Variants in LIMK2 observed in about 807,000 individuals in gnomAD.
LIMK2 encodes LIM domain kinase 2.
LIMK2 carries 35 observed loss-of-function variants against 75.7 expected under a neutral mutation model. That is an observed-to-expected ratio of 0.46 (90% confidence interval 0.35 to 0.61). LIMK2 has a LOEUF of 0.61. LIMK2 is among the 20% of genes least tolerant of loss of function. LIMK2 has a pLI of 0.00. For synonymous variants in LIMK2, 301 were observed against 319.2 expected, an observed-to-expected ratio of 0.94 and a Z score of 0.61; for missense variants, 623 against 831.0, an observed-to-expected ratio of 0.75 and a Z score of 3.08.
At chr22:31,273,325 C>G (rs750398724) in intron 13 of LIMK2, 127 bp from the exon 14 acceptor site, 112 of 821,104 alleles carry the variant, frequency 1.4e-4, no homozygotes, top group Non-Finnish European at 2.0e-4. Flanking sequence ...GCAGGACAGC[C>G]TGTGGGGTGT....
rs72617294 is a variant in LIMK2 at position 31,214,214 on chromosome 22, C to A, written c.16+1790C>A. On this transcript the variant is annotated intron_variant, in intron 1 of 15. Transcript: ENST00000331728. ...GTGAAAGGTTTCACAGTACAATAGT[C>A]TAGAGGCATAAAGCCTCTAGATGCA... Among the ~76,000 whole-genome samples the A allele has an allele frequency of 0.035, 5,351 of 152,226 alleles. 514 individuals are homozygous for A. In the East Asian group the frequency reaches 0.39, roughly 11 times the overall value.
intron 9 of LIMK2, 87 bp from the exon 10 acceptor site, chr22:31,267,689 C>T (rs905688829): frequency 1.7e-5 from 24 of 1,453,006 alleles, no homozygotes; most frequent in Non-Finnish European, 2.1e-5. Flanking sequence ...GGTGGTAACA[C>T]TTGTCAAGCT....
Position 31,259,238 on chromosome 22 carries a change from AGTG to A in LIMK2, c.362+11_362+13del, listed in dbSNP as rs1261438676. 1.9e-6 allele frequency: 3 copies of A among 1,556,630 alleles called. No individual in the cohort carries two copies. The highest frequency in any genetic ancestry group is 2.7e-6 in the Non-Finnish European group (3 of 1,128,000). ...GCATGCCACCCTCTACTGGTAAGAT[AGTG>A]GTCCTTTGTCTATCCTCTCCCATAT... On this transcript the variant is annotated intron_variant, in intron 4 of 15. Transcript: ENST00000331728.
At chr22:31,248,605 G>A in intron 2 of LIMK2, 1 of 1,610,148 alleles carries the variant, frequency 6.2e-7, no homozygotes, top group Non-Finnish European at 8.5e-7. Context: ...CAGCCTGCCT[G>A]CAGCCAGAGG....
chr22:31,227,113 G>A (rs1032770585), intron 2 of LIMK2, among the ~76,000 whole-genome samples: 1 of 152,170 alleles, frequency 6.6e-6, no homozygotes, highest in African/African-American at 2.4e-5. Context: ...TCCTCCCATC[G>A]GATTGGAATT....
intron 5 of LIMK2, among the ~76,000 whole-genome samples, chr22:31,260,960 G>A (rs2048832212): frequency 6.6e-6 from 1 of 152,174 alleles, no homozygotes; most frequent in South Asian, 2.1e-4. Context: ...CATTTTAGAA[G>A]GATCACTGGT....
chr22:31,276,828 GGAT>G (rs775435272), intron 15 of LIMK2: 1 of 1,611,696 alleles, frequency 6.2e-7, no homozygotes, highest in Non-Finnish European at 8.5e-7. Context: ...CGGGCTGCGC[GGAT>G]GATGAGGGCC....
chr22:31,250,454 C>T (rs897730626), intron 2 of LIMK2, among the ~76,000 whole-genome samples: 3 of 152,168 alleles, frequency 2.0e-5, no homozygotes, highest in Non-Finnish European at 2.9e-5. Flanking sequence ...CACCCAAGTC[C>T]ACCTGCCGTT....
chr22:31,241,387 C>T (rs1186262235), intron 2 of LIMK2, among the ~76,000 whole-genome samples: 9 of 152,328 alleles, frequency 5.9e-5, no homozygotes, highest in African/African-American at 1.7e-4. Context: ...CCCTCAGGAA[C>T]GGCTCTGGTC....
In LIMK2 at chr22:31,215,410, C is replaced by T. The variant is rs1017000911; in HGVS notation, c.16+2986C>T. Among the ~76,000 whole-genome samples, 9 of 152,264 alleles carry T rather than the reference C, an allele frequency of 5.9e-5. 1 individual carries two copies. Among genetic ancestry groups the T allele is most frequent in the African/African-American group, 2.2e-4 (9 of 41,532 alleles). ...TGGCACTGGGCAGGACCAAGTTTTA[C>T]CTCTTATAAATTTTAACAGGTGTTA... On this transcript the variant is annotated intron_variant, in intron 1 of 15. Transcript: ENST00000331728.
chr22:31,264,284 G>C (rs2048869898), intron 7 of LIMK2, among the ~76,000 whole-genome samples: 1 of 152,146 alleles, frequency 6.6e-6, no homozygotes, highest in African/African-American at 2.4e-5. Flanking sequence ...TGCTCTGGTG[G>C]GCATGGTCAG....
rs375979824 is a variant in LIMK2, at chr22:31,275,131, G to A, written c.1615-20G>A. 33 of 1,613,296 alleles carry A rather than the reference G, an allele frequency of 2.0e-5. No homozygotes were observed. The Middle Eastern group carries it at 6.6e-4, about 32-fold the overall frequency. On this transcript the variant is annotated intron_variant, in intron 14 of 15. Coordinates refer to ENST00000331728, the MANE Select transcript of LIMK2 (RefSeq NM_005569.4). ...TGGCCTCTGTAGTCCTTTGTAAACA[G>A]CTGTCTTCTTACCCTACAGATCATT...
intron 2 of LIMK2, among the ~76,000 whole-genome samples, chr22:31,237,576 A>C (rs2048590202): frequency 6.6e-6 from 1 of 151,958 alleles, no homozygotes; most frequent in Admixed American, 6.6e-5. Context: ...AAAAGAAGAA[A>C]TGGAGATACA....
At chr22:31,248,684 CA>C in intron 2 of LIMK2, 6 of 1,614,074 alleles carry the variant, frequency 3.7e-6, no homozygotes, top group Non-Finnish European at 5.1e-6. Context: ...GACGGATTTG[CA>C]GCTGAGCCTG....
At chr22:31,266,887 C>T (rs1370760715) in intron 8 of LIMK2, 97 bp from the exon 9 acceptor site, 1 of 833,076 alleles carries the variant, frequency 1.2e-6, no homozygotes, top group Non-Finnish European at 2.0e-6. Flanking sequence ...TCAGTGTGCC[C>T]TCCAAGGGAT....
At position 31,278,410 on chromosome 22, in the gene LIMK2, A is replaced by G. The variant is rs916433571; in HGVS notation, c.1886A>G (p.Gln629Arg). The change falls in exon 16 of 16, where the codon CAG (glutamine) becomes CGG (arginine). Residue 629 changes from glutamine to arginine, a missense_variant. This residue lies in a region of LIMK2 where 46 missense variants were observed against 46.9 expected (regional missense o/e 0.98). Coordinates refer to ENST00000331728, the MANE Select transcript of LIMK2 (RefSeq NM_005569.4). ...LEELDHTVSM[Q>R]YGLTRDSPP ...GAGTTGGACCACACTGTGAGCATGC[A>G]GTACGGCCTGACCCGGGACTCACCT... The G allele has an allele frequency of 1.2e-6, 2 of 1,613,316 alleles. No individual in the cohort carries two copies. The highest frequency in any genetic ancestry group is 1.7e-6 in the Non-Finnish European group (2 of 1,179,758).
intron 2 of LIMK2, among the ~76,000 whole-genome samples, chr22:31,233,185 T>C (rs1363245256): frequency 6.6e-6 from 1 of 152,206 alleles, no homozygotes; most frequent in African/African-American, 2.4e-5. Flanking sequence ...CACCTGACCA[T>C]GAGTCAGCTG....
chr22:31,261,792 A>T lies in LIMK2; in HGVS notation c.552-342A>T, dbSNP rs190443518. Among the ~76,000 whole-genome samples the T allele has an allele frequency of 2.0e-3, 295 of 150,450 alleles. 3 individuals carry two copies. Among genetic ancestry groups the T allele is most frequent in the African/African-American group, 6.9e-3 (282 of 41,082 alleles). On this transcript the variant is annotated intron_variant, in intron 5 of 15. Transcript: ENST00000331728. ...CAAATAAAAATTAAAAACAAAGTTT[A>T]AAAAAAAAATAGAAGCTATTACCGT...
Position 31,267,863 on chromosome 22 carries a change from G to A in LIMK2, c.1216G>A (p.Glu406Lys). ...GGATAAGAAGCTGAACCTCCTGACA[G>A]AGTACATTGAGGGGGGCACACTGAA... ...YKDKKLNLLT[E>K]YIEGGTLKDF... Residue 406 changes from glutamate to lysine, a missense_variant, in exon 10 of 16, where the codon GAG (glutamate) becomes AAG (lysine). By Grantham distance (56) the Glu-to-Lys change is moderately conservative. Transcript: ENST00000331728. 6.2e-7 allele frequency: 1 copy of A among 1,612,706 alleles called. No individual in the cohort carries two copies.
Sources: allele counts gnomAD v4.1 joint callset (sites outside exome capture counted in the v4.1 genomes callset), GRCh38; gene constraint gnomAD v4.1.1; regional missense constraint gnomAD v4.1.1; transcripts MANE v1.5; gene names NCBI Gene and HGNC (gene_info 2026-07-23, HGNC 2026-07-21).